TMEM79: variants seen among roughly 807,000 people sequenced by gnomAD.
The protein encoded by TMEM79 is transmembrane protein 79.
In TMEM79, 30 loss-of-function variants were observed where a neutral mutation model predicts 31.2. The observed-to-expected ratio is 0.96, with a 90% CI of 0.72 to 1.30. The LOEUF (loss-of-function observed/expected upper bound fraction) is 1.30. Ranked by LOEUF, TMEM79 falls within the 50% of genes most tolerant of loss-of-function variation. The pLI, the probability that TMEM79 is intolerant of heterozygous loss-of-function variation, is 0.00. For synonymous variants in TMEM79, 213 were observed against 229.5 expected, an observed-to-expected ratio of 0.93 and a Z score of 0.65; for missense variants, 509 against 528.2, an observed-to-expected ratio of 0.96 and a Z score of 0.36.
In TMEM79 at chr1:156,286,426, T is replaced by C; in HGVS notation, c.924T>C (p.Asp308=). Residue 308 remains aspartate (D), a synonymous_variant, in exon 3 of 4, where the codon GAT becomes GAC. Coordinates refer to ENST00000405535, the MANE Select transcript of TMEM79 (RefSeq NM_032323.3). The part of the protein sequence containing the change: ...LAVLSTYLPQ[D]TLKLLPLLTG... Reference sequence around the variant, plus strand: ...TGCTTTCCACTTACCTGCCCCAGGATACCCTCAAACTGCTCCCTCTGCTCA... The same window carrying C: ...TGCTTTCCACTTACCTGCCCCAGGACACCCTCAAACTGCTCCCTCTGCTCA... The C allele has an allele frequency of 2.5e-6, 4 of 1,614,222 alleles. No homozygotes were observed. Among genetic ancestry groups the C allele is most frequent in the Non-Finnish European group, 3.4e-6 (4 of 1,180,022 alleles).
In TMEM79 at chr1:156,291,776, TCA is replaced by T; in HGVS notation, c.*180_*181del. 1.6e-6 allele frequency: 1 copy of T among 625,306 alleles called. No homozygotes were observed. Among genetic ancestry groups the T allele is most frequent in the Non-Finnish European group, 2.8e-6 (1 of 353,382 alleles). The allele number at this position is 625,306 out of a possible 1,614,324, so 38.7% of individuals were successfully genotyped here. A position where few individuals can be genotyped will look rare whatever the true frequency, so the allele number is the denominator to read the frequency against. On this transcript the variant is annotated 3_prime_UTR_variant, in exon 4 of 4. Coordinates refer to ENST00000405535, the MANE Select transcript of TMEM79 (RefSeq NM_032323.3). ...GTTCTCCCCTTGCCGGAGCTGCCCT[TCA>T]CCTTTGGGGCCCGAGACAGTCATAA...
intron 3 of TMEM79, among the ~76,000 whole-genome samples, chr1:156,289,464 T>C (rs1246590479): frequency 1.3e-5 from 2 of 152,080 alleles, no homozygotes; most frequent in Non-Finnish European, 2.9e-5. Context: ...AATAAAAAAT[T>C]AGCCGGGCAT....
In TMEM79 at chr1:156,286,363, G is replaced by A. The variant is rs375726959; in HGVS notation, c.861G>A (p.Ser287=). ...VEIHRRYVAQ[S]VQLFILYFFN... Reference sequence around the variant, plus strand: ...TCCACCGGCGATATGTGGCCCAGTCGGTCCAGCTCTTTATTCTCTACTTCT... The same window carrying A: ...TCCACCGGCGATATGTGGCCCAGTCAGTCCAGCTCTTTATTCTCTACTTCT... The change falls in exon 3 of 4, where the codon TCG becomes TCA. Residue 287 remains serine, a synonymous_variant. Coordinates refer to ENST00000405535, the MANE Select transcript of TMEM79 (RefSeq NM_032323.3). 19 of 1,614,036 alleles carry A rather than the reference G, an allele frequency of 1.2e-5. No individual in the cohort carries two copies. Among genetic ancestry groups the A allele is most frequent in the African/African-American group, 5.3e-5 (4 of 74,914 alleles).
intron 3 of TMEM79, 119 bp from the exon 4 acceptor site, chr1:156,291,266 C>A (rs1663317233): frequency 2.4e-6 from 2 of 825,428 alleles, no homozygotes; most frequent in African/African-American, 1.7e-5. Flanking sequence ...TTTGGAAGTA[C>A]CAGCCATACC....
rs1453722778 is a variant in TMEM79, at chr1:156,291,638, T to C, written c.*40T>C. 1.3e-6 allele frequency: 2 copies of C among 1,585,186 alleles called. No homozygotes were observed. ...GCCCTCGGAGTAGGGGGTAGCGGCT[T>C]GGGTCTGACACATCTTTGAACCTTG... is the stretch of plus-strand genomic sequence containing the variant. On this transcript the variant is annotated 3_prime_UTR_variant, in exon 4 of 4. Coordinates refer to ENST00000405535, the MANE Select transcript of TMEM79 (RefSeq NM_032323.3).
Position 156,285,168 on chromosome 1 carries a change from C to T in TMEM79, c.-43-16C>T, listed in dbSNP as rs1389387005. The T allele has an allele frequency of 6.6e-7, 1 of 1,504,476 alleles. No individual in the cohort carries two copies. The highest frequency in any genetic ancestry group is 8.9e-7 in the Non-Finnish European group (1 of 1,126,682). 93.2% of individuals were successfully genotyped at this position (1,504,476 alleles called of 1,614,324 possible). A position where few individuals can be genotyped will look rare whatever the true frequency, so the allele number is the denominator to read the frequency against. Reference sequence around the variant, plus strand: ...AGACAGGGGTTTCTGACAGAGCTTTCCTCTGTTCCCTGCAGGATGACATGA... The same window carrying T: ...AGACAGGGGTTTCTGACAGAGCTTTTCTCTGTTCCCTGCAGGATGACATGA... On this transcript the variant is annotated splice_polypyrimidine_tract_variant and intron_variant, in intron 1 of 3. Coordinates refer to ENST00000405535, the MANE Select transcript of TMEM79 (RefSeq NM_032323.3).
chr1:156,289,435 C>T (rs761557340), intron 3 of TMEM79, among the ~76,000 whole-genome samples: 1 of 152,144 alleles, frequency 6.6e-6, no homozygotes, highest in Admixed American at 6.5e-5. Flanking sequence ...GGTGAAACCA[C>T]GTCTCTACTA....
At chr1:156,284,214 T>G (rs1055897338), upstream of TMEM79, 2 of 152,266 alleles carry the variant, frequency 1.3e-5, no homozygotes, top group African/African-American at 4.8e-5. Context: ...TGCTTTTTTT[T>G]GTCGGCAGAT....
Position 156,285,372 on chromosome 1 carries a change from T to C in TMEM79, c.146T>C (p.Val49Ala). ...AESPGAESLR[V>A]GSSAGSPTAI... ...TCCCCGGGAGCTGAGTCCCTCAGAG[T>C]GGGGTCTTCAGCTGGATCTCCCACA... The change falls in exon 2 of 4, where the codon GTG becomes GCG. Residue 49 changes from valine (V) to alanine (A), a missense_variant. By Grantham distance (64) the Val-to-Ala change is moderately conservative (BLOSUM62 0). Coordinates refer to ENST00000405535, the MANE Select transcript of TMEM79 (RefSeq NM_032323.3). 2 of 1,580,650 alleles carry C rather than the reference T, an allele frequency of 1.3e-6. No homozygotes were observed. The highest frequency in any genetic ancestry group is 1.7e-6 in the Non-Finnish European group (2 of 1,163,116).
rs1443500800 is a variant in TMEM79, at chr1:156,291,785, G to C, written c.*187G>C. 3 of 615,232 alleles carry C rather than the reference G, an allele frequency of 4.9e-6. No individual in the cohort carries two copies. The African/African-American group carries it at 5.5e-5, about 11-fold the overall frequency. The allele number at this position is 615,232 out of a possible 1,614,324, so 38.1% of individuals were successfully genotyped here. A position where few individuals can be genotyped will look rare whatever the true frequency, so the allele number is the denominator to read the frequency against. ...TTGCCGGAGCTGCCCTTCACCTTTG[G>C]GGCCCGAGACAGTCATAAGGGATGG... On this transcript the variant is annotated 3_prime_UTR_variant, in exon 4 of 4. Coordinates refer to ENST00000405535, the MANE Select transcript of TMEM79 (RefSeq NM_032323.3).
At position 156,291,781 on chromosome 1, in the gene TMEM79, TTTGGG is replaced by T; in HGVS notation, c.*184_*188del. On this transcript the variant is annotated 3_prime_UTR_variant, in exon 4 of 4. Coordinates refer to ENST00000405535, the MANE Select transcript of TMEM79 (RefSeq NM_032323.3). The stretch of plus-strand genomic sequence containing the variant: ...CCCCTTGCCGGAGCTGCCCTTCACC[TTTGGG>T]GCCCGAGACAGTCATAAGGGATGGA... 1.6e-6 allele frequency: 1 copy of T among 617,776 alleles called. No individual in the cohort carries two copies. Among genetic ancestry groups the T allele is most frequent in the Non-Finnish European group, 2.9e-6 (1 of 347,848 alleles). 38.3% of individuals were successfully genotyped at this position (617,776 alleles called of 1,614,324 possible). A position where few individuals can be genotyped will look rare whatever the true frequency, so the allele number is the denominator to read the frequency against.
At position 156,285,197 on chromosome 1, in the gene TMEM79, T is replaced by C. The variant is rs192228711; in HGVS notation, c.-30T>C. 3.2e-3 allele frequency: 4,825 copies of C among 1,517,038 alleles called. 12 individuals are homozygous for C. Among genetic ancestry groups the C allele is most frequent in the Non-Finnish European group, 3.8e-3 (4,349 of 1,134,762 alleles). The allele number at this position is 1,517,038 out of a possible 1,614,324, so 94.0% of individuals were successfully genotyped here. ...TGTTCCCTGCAGGATGACATGACCTTGTGGTAGATCCCAGAACTGAGGCCC... is the reference window on the plus strand; with the variant it reads ...TGTTCCCTGCAGGATGACATGACCTCGTGGTAGATCCCAGAACTGAGGCCC... On this transcript the variant is annotated 5_prime_UTR_variant, in exon 2 of 4. Coordinates refer to ENST00000405535, the MANE Select transcript of TMEM79 (RefSeq NM_032323.3).
In TMEM79 at chr1:156,285,277, C is replaced by T. The variant is rs1370991241; in HGVS notation, c.51C>T (p.Ser17=). The change falls in exon 2 of 4, where the codon TCC becomes TCT. Residue 17 remains serine, a synonymous_variant. Transcript: ENST00000405535. ...LALLEVKRSD[S]PEKSSPQALV... ...TACTGGAAGTGAAGAGGTCTGATTC[C>T]CCAGAGAAGAGCTCACCCCAGGCCT... The T allele has an allele frequency of 6.4e-7, 1 of 1,568,200 alleles. No individual in the cohort carries two copies. The highest frequency in any genetic ancestry group is 2.2e-5 in the East Asian group (1 of 44,666).
chr1:156,287,606 C>CTTTTTTTT (rs745468403), intron 3 of TMEM79, among the ~76,000 whole-genome samples: 1 of 72,638 alleles, frequency 1.4e-5, no homozygotes, highest in Non-Finnish European at 2.6e-5. Context: ...TTACTCTCCA[C>CTTTTTTTT]TTTTTTTTTT....
Position 156,286,252 on chromosome 1 carries a change from C to G in TMEM79, c.758-8C>G. 1 of 1,613,596 alleles carries G rather than the reference C, an allele frequency of 6.2e-7. No homozygotes were observed. Among genetic ancestry groups the G allele is most frequent in the Non-Finnish European group, 8.5e-7 (1 of 1,179,592 alleles). ...TCTGACCCTACCCTGTTTCCCAACT[C>G]CACCCAGGGATCCTGGTGTACGGGC... On this transcript the variant is annotated splice_polypyrimidine_tract_variant and splice_region_variant and intron_variant, in intron 2 of 3. Transcript: ENST00000405535.
At chr1:156,287,986 G>C (rs56264946) in intron 3 of TMEM79, among the ~76,000 whole-genome samples, 243 of 152,002 alleles carry the variant, frequency 1.6e-3, no homozygotes, top group African/African-American at 5.5e-3. Flanking sequence ...AGGCGGAGGC[G>C]GGCAGATCAT....
In TMEM79 at chr1:156,285,727, C is replaced by T. The variant is rs757831627; in HGVS notation, c.501C>T (p.Pro167=). The change falls in exon 2 of 4, where the codon CCC becomes CCT. Residue 167 remains proline (P), a synonymous_variant. Transcript: ENST00000405535. ...RTFMPPRVTH[P]DPTERKWAEA... is the part of the protein sequence containing the mutation. ...TCATGCCCCCCCGGGTCACCCACCC[C>T]GACCCCACTGAGCGCAAGTGGGCTG... 1.3e-5 allele frequency: 21 copies of T among 1,613,094 alleles called. No individual in the cohort carries two copies. The highest frequency in any genetic ancestry group is 5.3e-5 in the African/African-American group (4 of 74,944).
intron 3 of TMEM79, among the ~76,000 whole-genome samples, chr1:156,289,469 G>A (rs1177947764): frequency 5.3e-5 from 8 of 152,136 alleles, no homozygotes; most frequent in Non-Finnish European, 7.4e-5. Flanking sequence ...AAAATTAGCC[G>A]GGCATGGTGG....
intron 3 of TMEM79, 25 bp from the exon 4 acceptor site, chr1:156,291,360 C>T: frequency 6.2e-7 from 1 of 1,611,310 alleles, no homozygotes; most frequent in Non-Finnish European, 8.5e-7. Context: ...TCGAGAGTAG[C>T]CTGACCCTTT....
Sources: gnomAD v4.1 joint callset for allele counts (sites outside exome capture counted in the v4.1 genomes callset) on GRCh38, gnomAD v4.1.1 for gene constraint, MANE v1.5 for transcripts, NCBI Gene and HGNC (gene_info 2026-07-23, HGNC 2026-07-21) for gene names.